SLC25A21: variants seen among roughly 807,000 people sequenced by gnomAD.
SLC25A21 encodes solute carrier family 25 member 21, also known as mitochondrial 2-oxodicarboxylate carrier.
In SLC25A21, 47 loss-of-function variants were observed where a neutral mutation model predicts 43.8. The ratio of observed to expected loss-of-function variants is 1.07; its 90% CI spans 0.85 to 1.37. The LOEUF (loss-of-function observed/expected upper bound fraction) is 1.37, where lower values mean the gene tolerates loss of function less well. SLC25A21 is among the 40% of genes most tolerant of loss of function. SLC25A21 has a pLI of 0.00. For synonymous variants in SLC25A21, 131 were observed against 121.3 expected (o/e 1.08, Z -0.52); for missense variants, 352 against 350.2 (o/e 1.00, Z -0.04).
chr14:36,738,442 T>C lies in SLC25A21; in HGVS notation c.204-3869A>G, dbSNP rs370717612. 3.7e-4 allele frequency among the ~76,000 whole-genome samples: 56 copies of C among 152,336 alleles called. No homozygotes were observed. The East Asian group carries it at 6.8e-3, about 18-fold the overall frequency. On this transcript the variant is annotated intron_variant, in intron 3 of 9. Transcript: ENST00000331299. Reference sequence around the variant, plus strand: ...GACCATAATCCAGGAAGTTAAGAGATTGGTGACACCCATTGTTAACATGCG... The same window carrying C: ...GACCATAATCCAGGAAGTTAAGAGACTGGTGACACCCATTGTTAACATGCG...
intron 2 of SLC25A21, among the ~76,000 whole-genome samples, chr14:36,869,666 AGACTGG>A (rs1222008200): frequency 2.0e-5 from 3 of 152,218 alleles, no homozygotes; most frequent in African/African-American, 7.2e-5. Context: ...GAACAGCTTC[AGACTGG>A]GAGCCACTAG....
At chr14:36,714,496 G>A (rs141274969) in intron 6 of SLC25A21, among the ~76,000 whole-genome samples, 1 of 152,314 alleles carries the variant, frequency 6.6e-6, no homozygotes, top group African/African-American at 2.4e-5. Context: ...TATCCCTCAA[G>A]GTGAGTACCC....
chr14:36,934,720 AAG>A (rs71124785), intron 1 of SLC25A21, among the ~76,000 whole-genome samples: 37 of 150,660 alleles, frequency 2.5e-4, no homozygotes, highest in East Asian at 1.4e-3. Flanking sequence ...ACACAGAGAA[AAG>A]AGAGAGAGAG....
At chr14:36,746,523 G>T (rs965234226) in intron 3 of SLC25A21, among the ~76,000 whole-genome samples, 2 of 152,092 alleles carry the variant, frequency 1.3e-5, no homozygotes, top group African/African-American at 4.8e-5. Flanking sequence ...TGGGCGATGG[G>T]TACTAAAAGC....
At chr14:36,688,413 C>T (rs1882644855) in intron 7 of SLC25A21, among the ~76,000 whole-genome samples, 1 of 152,202 alleles carries the variant, frequency 6.6e-6, no homozygotes, top group Admixed American at 6.5e-5. Context: ...CTTTGTGTCA[C>T]CTGTTTTGCA....
intron 1 of SLC25A21, among the ~76,000 whole-genome samples, chr14:37,120,543 C>T (rs1421515165): frequency 6.6e-6 from 1 of 152,152 alleles, no homozygotes; most frequent in Non-Finnish European, 1.5e-5. Flanking sequence ...AGCTGCCAAA[C>T]TCCACAATGC....
At chr14:37,108,307 G>A (rs536199614) in intron 1 of SLC25A21, among the ~76,000 whole-genome samples, 6 of 152,150 alleles carry the variant, frequency 3.9e-5, no homozygotes, top group East Asian at 3.9e-4. Flanking sequence ...AGTACACAAC[G>A]CCTTTTTTAT....
chr14:36,976,551 A>G (rs893816770), intron 1 of SLC25A21, among the ~76,000 whole-genome samples: 3 of 152,108 alleles, frequency 2.0e-5, no homozygotes, highest in Non-Finnish European at 4.4e-5. Context: ...AAAAAAACAA[A>G]ACAAAACAAA....
In SLC25A21 at chr14:36,745,098, G is replaced by A. The variant is rs1470308614; in HGVS notation, c.204-10525C>T. 2.7e-5 allele frequency among the ~76,000 whole-genome samples: 4 copies of A among 149,194 alleles called. No individual in the cohort carries two copies. In the East Asian group the frequency reaches 7.9e-4, roughly 30 times the overall value. The stretch of plus-strand genomic sequence containing the variant: ...TATGGGTGAGAATATGCGCTGCCTT[G>A]TTTTCTGTCCCTGTGATATTTTGCT... On this transcript the variant is annotated intron_variant, in intron 3 of 9. Coordinates refer to ENST00000331299, the MANE Select transcript of SLC25A21 (RefSeq NM_030631.4).
At chr14:36,699,673 G>A (rs943843574) in intron 7 of SLC25A21, among the ~76,000 whole-genome samples, 2 of 152,156 alleles carry the variant, frequency 1.3e-5, no homozygotes, top group African/African-American at 4.8e-5. Flanking sequence ...CCCTCCCCCA[G>A]CCAGGCTGCC....
intron 1 of SLC25A21, among the ~76,000 whole-genome samples, chr14:36,876,932 G>GATAGATAGATAA (rs376120522): frequency 1.9e-3 from 282 of 149,872 alleles, no homozygotes; most frequent in East Asian, 0.016. Context: ...TAGATAGATA[G>GATAGATAGATAA]ATAGATACAC....
At chr14:37,156,287 A>G (rs1306797019) in intron 1 of SLC25A21, among the ~76,000 whole-genome samples, 1 of 152,042 alleles carries the variant, frequency 6.6e-6, no homozygotes, top group Non-Finnish European at 1.5e-5. Flanking sequence ...CAAATAATAA[A>G]AGATTCACAG....
At chr14:36,940,198 T>C (rs532549464) in intron 1 of SLC25A21, among the ~76,000 whole-genome samples, 1 of 152,276 alleles carries the variant, frequency 6.6e-6, no homozygotes, top group South Asian at 2.1e-4. Flanking sequence ...CATACATTAC[T>C]TTTCCATATA....
At chr14:37,044,312 A>G (rs1961541711) in intron 1 of SLC25A21, among the ~76,000 whole-genome samples, 1 of 152,128 alleles carries the variant, frequency 6.6e-6, no homozygotes, top group African/African-American at 2.4e-5. Flanking sequence ...TTAGGTTACC[A>G]ATATATATAA....
chr14:36,963,049 C>T (rs1959531944), intron 1 of SLC25A21, among the ~76,000 whole-genome samples: 1 of 152,024 alleles, frequency 6.6e-6, no homozygotes, highest in African/African-American at 2.4e-5. Flanking sequence ...AGTTGGCAGT[C>T]TTTGAGTTTT....
chr14:36,687,393 G>A (rs551535392), intron 7 of SLC25A21, among the ~76,000 whole-genome samples: 8 of 152,230 alleles, frequency 5.3e-5, no homozygotes, highest in African/African-American at 1.9e-4. Flanking sequence ...TCGGGGGTGA[G>A]AAGAAGGTGC....
chr14:37,060,192 G>C (rs1039275104), intron 1 of SLC25A21, among the ~76,000 whole-genome samples: 1 of 151,778 alleles, frequency 6.6e-6, no homozygotes, highest in Non-Finnish European at 1.5e-5. Flanking sequence ...CCTCAGAAAA[G>C]AGAACACAAA....
intron 1 of SLC25A21, among the ~76,000 whole-genome samples, chr14:36,919,448 G>C (rs1891916611): frequency 6.6e-6 from 1 of 151,890 alleles, no homozygotes; most frequent in African/African-American, 2.4e-5. Context: ...TTGACATTTG[G>C]ATAAAATATT....
At chr14:37,049,821 A>T (rs1313552330) in intron 1 of SLC25A21, among the ~76,000 whole-genome samples, 1 of 152,228 alleles carries the variant, frequency 6.6e-6, no homozygotes, top group East Asian at 1.9e-4. Flanking sequence ...TTAGTGAGAC[A>T]TTTTACATTC....
Sources: gnomAD v4.1 joint callset for allele counts (sites outside exome capture counted in the v4.1 genomes callset) on GRCh38, gnomAD v4.1.1 for gene constraint, MANE v1.5 for transcripts, NCBI Gene and HGNC (gene_info 2026-07-23, HGNC 2026-07-21) for gene names.